The following DLG5 variants were observed in gnomAD, a reference collection of about 807,000 sequenced individuals.
The protein encoded by DLG5 is disks large homolog 5.
A neutral mutation model predicts 189.8 loss-of-function variants in DLG5; 48 were observed. That is an observed-to-expected ratio of 0.25 (90% confidence interval 0.20 to 0.32). The LOEUF is 0.32. DLG5 is among the 10% of genes least tolerant of loss of function. The probability of loss-of-function intolerance (pLI) is 1.00; values close to 1 mark genes in which losing one functional copy is unlikely to be tolerated. For synonymous variants in DLG5, 1,016 were observed against 1,054.1 expected, an observed-to-expected ratio of 0.96 and a Z score of 0.70; for missense variants, 2,160 against 2,544.7, an observed-to-expected ratio of 0.85 and a Z score of 3.25.
chr10:77,872,341 G>A (rs1489754855), intron 1 of DLG5, among the ~76,000 whole-genome samples: 3 of 152,082 alleles, frequency 2.0e-5, no homozygotes, highest in Non-Finnish European at 4.4e-5. Flanking sequence ...CCCTCTCTCC[G>A]CCCACCTACC....
chr10:77,836,383 A>G (rs549475844), intron 7 of DLG5, among the ~76,000 whole-genome samples: 20 of 152,258 alleles, frequency 1.3e-4, no homozygotes, highest in African/African-American at 4.3e-4. Context: ...ATGACAAAGC[A>G]AGTGTTTACT....
Position 77,835,913 on chromosome 10 carries a change from T to C in DLG5, c.1447A>G (p.Thr483Ala). ...EMEALRQIKD[T>A]VTMDAGRANK... ...GCTCTCCCAGCATCCATTGTCACCG[T>C]GTCTTTGATCTGGTGGGAGCAAGGG... The change falls in exon 8 of 32, where the codon ACG becomes GCG. Residue 483 changes from threonine (T) to alanine (A), a missense_variant. This residue lies in a region of DLG5 where 664 missense variants were observed against 838.5 expected (regional missense o/e 0.79). Transcript: ENST00000372391. The C allele has an allele frequency of 6.2e-7, 1 of 1,612,884 alleles. No homozygotes were observed. The highest frequency in any genetic ancestry group is 8.5e-7 in the Non-Finnish European group (1 of 1,179,070).
chr10:77,817,727 A>T (rs1842131517), intron 18 of DLG5, 50 bp downstream of exon 18: 1 of 1,480,916 alleles, frequency 6.8e-7, no homozygotes, highest in African/African-American at 1.4e-5. Context: ...GCAGGCAGAG[A>T]TGAAAAGCTT....
At position 77,849,162 on chromosome 10, in the gene DLG5, C is replaced by A. The variant is rs190535834; in HGVS notation, c.864+4192G>T. Among the ~76,000 whole-genome samples, 748 of 152,330 alleles carry A rather than the reference C, an allele frequency of 4.9e-3. 11 individuals carry two copies. Among genetic ancestry groups the A allele is most frequent in the African/African-American group, 0.017 (696 of 41,582 alleles). ...CCCCTCCCCTAGGGCTGCCTCATTT[C>A]CTCTGAGATAAATCATGCAGAGGGC... On this transcript the variant is annotated intron_variant, in intron 5 of 31. Transcript: ENST00000372391.
chr10:77,798,031 A>G (rs1055594493), intron 27 of DLG5, among the ~76,000 whole-genome samples: 6 of 152,202 alleles, frequency 3.9e-5, no homozygotes, highest in African/African-American at 1.2e-4. Flanking sequence ...TACTAAAAAT[A>G]CAAAAATTAG....
At chr10:77,893,466 G>C (rs571856707) in intron 1 of DLG5, among the ~76,000 whole-genome samples, 1 of 152,248 alleles carries the variant, frequency 6.6e-6, no homozygotes, top group Non-Finnish European at 1.5e-5. Flanking sequence ...AGAGGCCATC[G>C]ATAGTGTCTG....
At chr10:77,925,588 C>A (rs1015004423) in intron 1 of DLG5, among the ~76,000 whole-genome samples, 2 of 152,206 alleles carry the variant, frequency 1.3e-5, no homozygotes, top group Admixed American at 1.3e-4. Flanking sequence ...GAGAACTTAG[C>A]CCCAGCAGCC....
intron 17 of DLG5, among the ~76,000 whole-genome samples, chr10:77,819,045 G>A (rs1842201152): frequency 1.3e-5 from 2 of 152,224 alleles, no homozygotes; most frequent in South Asian, 4.1e-4. Context: ...TCGGTGAAAT[G>A]ATATTCATAA....
chr10:77,937,715 CTT>C, the DLG5 span, among the ~76,000 whole-genome samples: 5,474 of 101,334 alleles, frequency 0.054, 120 homozygotes, highest in African/African-American at 0.1. Context: ...ACATTTTATA[CTT>C]TTTTTTTTTT....
Position 77,926,499 on chromosome 10 carries a change from G to C in DLG5, c.22C>G (p.Leu8Val). The C allele has an allele frequency of 7.3e-7, 1 of 1,373,658 alleles. No individual in the cohort carries two copies. Among genetic ancestry groups the C allele is most frequent in the Non-Finnish European group, 9.4e-7 (1 of 1,058,528 alleles). 85.1% of individuals were successfully genotyped at this position (1,373,658 alleles called of 1,614,324 possible). A position where few individuals can be genotyped will look rare whatever the true frequency, so the allele number is the denominator to read the frequency against. The change falls in exon 1 of 32, where the codon CTG (leucine) becomes GTG (valine). Residue 8 changes from leucine (L) to valine (V), a missense_variant. Leu to Val is a conservative substitution (Grantham distance 32). Transcript: ENST00000372391. The surrounding 1 kb of genome is among the most constrained non-coding windows in gnomAD (Gnocchi z 5.2). ...AGGCTCTGCTGACACTGGGCGAGCA[G>C]CTCCCGGCGCTGGGGCTCCATGGTG... The part of the protein sequence containing the change: MEPQRRE[L>V]LAQCQQSLAQ...
chr10:77,924,677 G>A (rs1357972622), intron 1 of DLG5, among the ~76,000 whole-genome samples: 1 of 152,184 alleles, frequency 6.6e-6, no homozygotes, highest in African/African-American at 2.4e-5. Flanking sequence ...ATCTCCCAAA[G>A]CACTATCCCA....
At position 77,876,095 on chromosome 10, in the gene DLG5, A is replaced by G. The variant is rs138057008; in HGVS notation, c.305-6898T>C. Reference sequence around the variant, plus strand: ...ACTCTTGGTTTGTAAGTTAAGATTTAATATTTGTTTTCCTCAACTGAGATA... The same window carrying G: ...ACTCTTGGTTTGTAAGTTAAGATTTGATATTTGTTTTCCTCAACTGAGATA... On this transcript the variant is annotated intron_variant, in intron 1 of 31. Coordinates refer to ENST00000372391, the MANE Select transcript of DLG5 (RefSeq NM_004747.4). Among the ~76,000 whole-genome samples the G allele has an allele frequency of 1.8e-4, 28 of 152,268 alleles. 1 individual carries two copies. The East Asian group carries it at 5.4e-3, about 29-fold the overall frequency.
At chr10:77,792,704 C>G in intron 31 of DLG5, 161 bp from the exon 32 acceptor site, 3 of 655,018 alleles carry the variant, frequency 4.6e-6, no homozygotes, top group Non-Finnish European at 7.9e-6. Flanking sequence ...CAGCAAGAAA[C>G]TGGGAAAGAA....
At chr10:77,912,960 A>G (rs1846265626) in intron 1 of DLG5, among the ~76,000 whole-genome samples, 1 of 152,192 alleles carries the variant, frequency 6.6e-6, no homozygotes. Flanking sequence ...GAGCCTCAAG[A>G]AGGCCACAAG....
intron 2 of DLG5, among the ~76,000 whole-genome samples, chr10:77,859,610 C>T (rs1019244664): frequency 1.3e-5 from 2 of 152,224 alleles, no homozygotes; most frequent in Non-Finnish European, 2.9e-5. Context: ...GAGCAACAGG[C>T]CATATCGTGT....
chr10:77,919,772 A>G (rs976652726), intron 1 of DLG5, among the ~76,000 whole-genome samples: 1 of 152,008 alleles, frequency 6.6e-6, no homozygotes, highest in African/African-American at 2.4e-5. Flanking sequence ...AACCTTGGGA[A>G]CTTCAGACAT....
chr10:77,800,272 G>T (rs1841131732), intron 27 of DLG5, among the ~76,000 whole-genome samples: 2 of 152,204 alleles, frequency 1.3e-5, no homozygotes, highest in Non-Finnish European at 2.9e-5. Context: ...GAAAATCTGG[G>T]TAAAAAATGA....
Position 77,821,104 on chromosome 10 carries a change from A to C in DLG5, c.3380T>G (p.Val1127Gly). The C allele has an allele frequency of 1.2e-6, 2 of 1,613,200 alleles. No homozygotes were observed. The highest frequency in any genetic ancestry group is 1.7e-6 in the Non-Finnish European group (2 of 1,179,618). Residue 1127 changes from valine (V) to glycine (G), a missense_variant, in exon 15 of 32, where the codon GTG becomes GGG. Transcript: ENST00000372391. ...PSFRPKLAPV[V>G]IPAQFLEEQK... Reference sequence around the variant, plus strand: ...TACCTCCAGGAACTGAGCAGGAATCACTACTGGAGCAAGCTTCGGCCGAAA... The same window carrying C: ...TACCTCCAGGAACTGAGCAGGAATCCCTACTGGAGCAAGCTTCGGCCGAAA...
At position 77,812,342 on chromosome 10, in the gene DLG5, T is replaced by C. The variant is rs1310355727; in HGVS notation, c.4061A>G (p.Gln1354Arg). The C allele has an allele frequency of 4.3e-6, 7 of 1,613,758 alleles. No homozygotes were observed. The highest frequency in any genetic ancestry group is 5.9e-6 in the Non-Finnish European group (7 of 1,179,754). The change falls in exon 21 of 32, where the codon CAG (glutamine) becomes CGG (arginine). Residue 1354 changes from glutamine to arginine, a missense_variant. Physicochemically the swap from Gln to Arg is conservative, Grantham distance 43. This residue lies in a region of DLG5 where 754 missense variants were observed against 746.5 expected (regional missense o/e 1.01). Transcript: ENST00000372391. ...GATGCCCAGCGGCTCTGAGCCCTTCTGCACCTTCACGTGGCGTGGCTCCTC... is the reference window on the plus strand; with the variant it reads ...GATGCCCAGCGGCTCTGAGCCCTTCCGCACCTTCACGTGGCGTGGCTCCTC... Reference protein sequence around the residue: ...YVEEPRHVKVQKGSEPLGISI... With the variant: ...YVEEPRHVKVRKGSEPLGISI...
Sources: allele counts gnomAD v4.1 joint callset (sites outside exome capture counted in the v4.1 genomes callset), GRCh38; gene constraint gnomAD v4.1.1; regional missense constraint gnomAD v4.1.1; non-coding constraint Gnocchi (gnomAD v3.1); transcripts MANE v1.5; gene names NCBI Gene and HGNC (gene_info 2026-07-23, HGNC 2026-07-21).